The following NTM variants were observed in gnomAD, a reference collection of about 807,000 sequenced individuals.
NTM encodes the protein IgLON family member 2.
Under a neutral mutation model 42.1 loss-of-function variants are expected in NTM, and 13 were observed. The observed-to-expected ratio is 0.31, with a 90% CI of 0.20 to 0.49. NTM has a LOEUF of 0.49. Ranked by LOEUF, NTM falls within the 20% of genes least tolerant of loss-of-function variation. The pLI is 0.99. For missense variants in NTM, 373 were observed against 452.8 expected (o/e 0.82, Z 1.60); for synonymous variants, 187 against 179.2 (o/e 1.04, Z -0.35).
intron 2 of NTM, among the ~76,000 whole-genome samples, chr11:131,958,377 C>T (rs865978979): frequency 2.3e-4 from 35 of 152,146 alleles, no homozygotes; most frequent in Middle Eastern, 3.4e-3. Context: ...CAGAGAAGAC[C>T]GCACAGGTAA....
intron 1 of NTM, among the ~76,000 whole-genome samples, chr11:131,475,360 T>C (rs577291778): frequency 2.0e-5 from 3 of 152,200 alleles, no homozygotes; most frequent in Non-Finnish European, 4.4e-5. Context: ...GGTTTCTATA[T>C]ATTTTTCTGA....
chr11:131,401,820 A>ATATATATATATATGTGTG (rs1565465338), intron 1 of NTM, among the ~76,000 whole-genome samples: 6 of 49,910 alleles, frequency 1.2e-4, no homozygotes, highest in African/African-American at 5.5e-4. Flanking sequence ...ATATATATAT[A>ATATATATATATATGTGTG]TATATATATA....
In NTM at chr11:131,939,064, A is replaced by G. The variant is rs141777866; in HGVS notation, c.167+27416A>G. Among the ~76,000 whole-genome samples the G allele has an allele frequency of 4.0e-3, 616 of 152,302 alleles. 6 individuals are homozygous for G. Among genetic ancestry groups the G allele is most frequent in the African/African-American group, 0.014 (584 of 41,566 alleles). ...ACTTGGGGATTTAAGTATGGGAGAG[A>G]TCAGCTTATATTTGTTCTTAAAATC... On this transcript the variant is annotated intron_variant, in intron 2 of 8. Transcript: ENST00000683400.
chr11:131,867,662 A>G (rs1791961145), intron 1 of NTM, among the ~76,000 whole-genome samples: 1 of 151,648 alleles, frequency 6.6e-6, no homozygotes, highest in African/African-American at 2.4e-5. Context: ...ATGTATAACC[A>G]TGTGTGCATT....
chr11:131,637,149 C>T (rs912440519), intron 1 of NTM, among the ~76,000 whole-genome samples: 2 of 152,094 alleles, frequency 1.3e-5, no homozygotes, highest in Non-Finnish European at 2.9e-5. Flanking sequence ...TCCAACAATG[C>T]TGTGCTCACT....
At chr11:131,967,380 G>A (rs1565843770) in intron 2 of NTM, among the ~76,000 whole-genome samples, 1 of 152,154 alleles carries the variant, frequency 6.6e-6, no homozygotes, top group Non-Finnish European at 1.5e-5. Flanking sequence ...TGGAGGATAG[G>A]CATATCACGG....
intron 1 of NTM, among the ~76,000 whole-genome samples, chr11:131,677,724 T>C (rs1033644247): frequency 1.3e-5 from 2 of 152,140 alleles, no homozygotes; most frequent in East Asian, 3.9e-4. Flanking sequence ...GATGCAGAGA[T>C]AGAGTTTCAG....
intron 2 of NTM, among the ~76,000 whole-genome samples, chr11:132,102,897 G>A (rs1237744645): frequency 6.6e-6 from 1 of 152,156 alleles, no homozygotes; most frequent in African/African-American, 2.4e-5. Flanking sequence ...AGTTACAGGT[G>A]CTCGCACACA....
chr11:131,751,389 G>A (rs1011547367), intron 1 of NTM, among the ~76,000 whole-genome samples: 7 of 152,116 alleles, frequency 4.6e-5, no homozygotes, highest in African/African-American at 1.7e-4. Context: ...AGGGGATCGA[G>A]ACCATCCTGG....
chr11:131,490,387 T>C (rs1265674756), intron 1 of NTM, among the ~76,000 whole-genome samples: 2 of 152,264 alleles, frequency 1.3e-5, no homozygotes, highest in Non-Finnish European at 2.9e-5. Context: ...TATCTATTGC[T>C]GGGCAGAAAA....
At chr11:131,422,800 C>T (rs1442983387) in intron 1 of NTM, among the ~76,000 whole-genome samples, 1 of 152,176 alleles carries the variant, frequency 6.6e-6, no homozygotes, top group Non-Finnish European at 1.5e-5. Context: ...TTATCTGATG[C>T]ATTTTACATG....
intron 4 of NTM, among the ~76,000 whole-genome samples, chr11:132,232,308 G>GAGA (rs56687911): frequency 0.12 from 18,212 of 152,130 alleles, 1,898 homozygotes; most frequent in African/African-American, 0.28. Context: ...TAGGGGAAAA[G>GAGA]AGGAGGAGAG....
intron 1 of NTM, among the ~76,000 whole-genome samples, chr11:131,649,023 A>G (rs1213616485): frequency 6.6e-6 from 1 of 152,188 alleles, no homozygotes; most frequent in African/African-American, 2.4e-5. Flanking sequence ...AGGTCCGCTG[A>G]TGTTGTGCCC....
At chr11:131,838,093 C>G (rs895088460) in intron 1 of NTM, among the ~76,000 whole-genome samples, 6 of 152,276 alleles carry the variant, frequency 3.9e-5, no homozygotes, top group African/African-American at 1.4e-4. Context: ...TGCCTCCAAA[C>G]AGAGATTGGA....
chr11:131,869,383 G>A lies in NTM; in HGVS notation c.83-42181G>A, dbSNP rs186225379. Among the ~76,000 whole-genome samples the A allele has an allele frequency of 1.3e-3, 192 of 152,204 alleles. 1 individual carries two copies. The highest frequency in any genetic ancestry group is 0.011 in the South Asian group (51 of 4,814). On this transcript the variant is annotated intron_variant, in intron 1 of 8. Transcript: ENST00000683400. ...TTTACAACAACTCCTTCTACCTTTC[G>A]TAGCTTGAAGACTTCCCCACTCTCC... is the stretch of plus-strand genomic sequence containing the variant.
At chr11:131,976,938 A>C (rs1008122509) in intron 2 of NTM, among the ~76,000 whole-genome samples, 4 of 152,206 alleles carry the variant, frequency 2.6e-5, no homozygotes, top group African/African-American at 9.7e-5. Flanking sequence ...AATGAAAAAT[A>C]TCGGTGTGTG....
chr11:131,415,973 T>G (rs753412996), intron 1 of NTM, among the ~76,000 whole-genome samples: 1 of 152,196 alleles, frequency 6.6e-6, no homozygotes, highest in Non-Finnish European at 1.5e-5. Flanking sequence ...GTTGTCAGAC[T>G]TGGAAAATGA....
At position 131,927,471 on chromosome 11, in the gene NTM, G is replaced by A; in HGVS notation, c.167+15823G>A. Among the ~76,000 whole-genome samples, 3 of 152,290 alleles carry A rather than the reference G, an allele frequency of 2.0e-5. 1 individual carries two copies. The South Asian group carries it at 6.2e-4, about 32-fold the overall frequency. On this transcript the variant is annotated intron_variant, in intron 2 of 8. Transcript: ENST00000683400. Reference sequence around the variant, plus strand: ...GGAGAGTTAAGCCTAGATGGGAAGTGTATATATTTTGTTTGAATTTTTATC... The same window carrying A: ...GGAGAGTTAAGCCTAGATGGGAAGTATATATATTTTGTTTGAATTTTTATC...
chr11:131,471,003 C>T (rs1295083723), intron 1 of NTM, among the ~76,000 whole-genome samples: 2 of 152,132 alleles, frequency 1.3e-5, no homozygotes, highest in Non-Finnish European at 2.9e-5. Context: ...TGACAGGAAA[C>T]CTTCCTGCCA....
Sources: gnomAD v4.1 joint callset for allele counts (sites outside exome capture counted in the v4.1 genomes callset) on GRCh38, gnomAD v4.1.1 for gene constraint, MANE v1.5 for transcripts, NCBI Gene and HGNC (gene_info 2026-07-23, HGNC 2026-07-21) for gene names.